Variants in SCARB2 observed in about 807,000 individuals in gnomAD.
SCARB2 encodes the protein scavenger receptor class B member 2.
A neutral mutation model predicts 58.6 loss-of-function variants in SCARB2; 29 were observed. The ratio of observed to expected loss-of-function variants is 0.49; its 90% confidence interval spans 0.37 to 0.67. The LOEUF (loss-of-function observed/expected upper bound fraction) is 0.67. SCARB2 is among the 30% of genes least tolerant of loss of function. The pLI is 0.00. For missense variants in SCARB2, 488 were observed against 578.5 expected, an observed-to-expected ratio of 0.84 and a Z score of 1.60; for synonymous variants, 195 against 210.1, an observed-to-expected ratio of 0.93 and a Z score of 0.62.
intron 4 of SCARB2, chr4:76,179,220 A>AT (rs1376145089): frequency 5.3e-5 from 20 of 378,268 alleles, no homozygotes; most frequent in Non-Finnish European, 1.0e-4. Flanking sequence ...CAGCTGGCTA[A>AT]TTTTTGTATT....
At chr4:76,217,010 A>C (rs755311279), upstream of SCARB2, among the ~76,000 whole-genome samples, 1 of 152,160 alleles carries the variant, frequency 6.6e-6, no homozygotes, top group Non-Finnish European at 1.5e-5. Context: ...CTATGTTCAG[A>C]AGCTTTTGAC....
Position 76,166,198 on chromosome 4 carries a change from G to A in SCARB2, c.1239+52C>T, listed in dbSNP as rs1223355042. The A allele has an allele frequency of 1.3e-5, 20 of 1,557,220 alleles. No individual in the cohort carries two copies. The Middle Eastern group carries it at 5.0e-4, about 39-fold the overall frequency. ...AACTACAACAGTAGACATCATAATGGATTTTTTCTGAGTCTGAAAACACCC... is the reference window on the plus strand; with the variant it reads ...AACTACAACAGTAGACATCATAATGAATTTTTTCTGAGTCTGAAAACACCC... On this transcript the variant is annotated intron_variant, in intron 10 of 11. Coordinates refer to ENST00000264896, the MANE Select transcript of SCARB2 (RefSeq NM_005506.4).
At chr4:76,172,598 G>A (rs1172469808) in intron 7 of SCARB2, 2 of 151,996 alleles carry the variant, frequency 1.3e-5, no homozygotes, top group African/African-American at 4.8e-5. Context: ...GTAAAGCCAG[G>A]TGTGGGGGTC....
chr4:76,168,646 T>C (rs1366385170), intron 8 of SCARB2, among the ~76,000 whole-genome samples, 170 bp from the exon 9 acceptor site: 1 of 152,180 alleles, frequency 6.6e-6, no homozygotes, highest in Non-Finnish European at 1.5e-5. Context: ...ATGAGAACCA[T>C]GGGTTGTATT....
intron 3 of SCARB2, 178 bp downstream of exon 3, chr4:76,180,776 C>T (rs1732365800): frequency 4.6e-6 from 2 of 432,764 alleles, no homozygotes; most frequent in Non-Finnish European, 8.0e-6. Flanking sequence ...TTATTTGATA[C>T]ATCTTAGAAA....
intron 1 of SCARB2, among the ~76,000 whole-genome samples, chr4:76,206,988 A>G (rs1244140212): frequency 6.6e-6 from 1 of 152,208 alleles, no homozygotes; most frequent in Non-Finnish European, 1.5e-5. Context: ...CTGGCCTTAC[A>G]GGAATATAAA....
chr4:76,187,215 C>T (rs983694352), intron 2 of SCARB2, among the ~76,000 whole-genome samples: 3 of 152,204 alleles, frequency 2.0e-5, no homozygotes, highest in Admixed American at 1.3e-4. Context: ...TTTTAAAGCT[C>T]AGACCTGATA....
At chr4:76,175,341 C>G (rs1288488272) in intron 6 of SCARB2, 1 of 196,734 alleles carries the variant, frequency 5.1e-6, no homozygotes, top group Non-Finnish European at 1.0e-5. Context: ...TAGAGACTAC[C>G]TATTGACTGG....
upstream of SCARB2, chr4:76,214,089 C>T (rs559518593): frequency 1.3e-4 from 45 of 356,686 alleles, no homozygotes; most frequent in African/African-American, 8.8e-4. Flanking sequence ...ATTGCCGAAC[C>T]TGGTTCACAC....
intron 1 of SCARB2, among the ~76,000 whole-genome samples, chr4:76,220,875 C>T (rs1000121654): frequency 2.0e-5 from 3 of 152,178 alleles, no homozygotes; most frequent in Non-Finnish European, 4.4e-5. Flanking sequence ...TCCAGGTGCT[C>T]ACCTGGGATC....
intron 1 of SCARB2, among the ~76,000 whole-genome samples, chr4:76,232,409 A>G (rs1185875885): frequency 6.6e-6 from 1 of 152,208 alleles, no homozygotes; most frequent in Non-Finnish European, 1.5e-5. Context: ...GCTTATTCTA[A>G]ATCATCTCTT....
intron 2 of SCARB2, among the ~76,000 whole-genome samples, chr4:76,187,641 T>C (rs4859631): frequency 5.3e-5 from 8 of 152,110 alleles, no homozygotes; most frequent in Non-Finnish European, 1.2e-4. Context: ...CATATGTACA[T>C]AGTATGATAA....
upstream of SCARB2, chr4:76,217,468 G>A (rs1425361044): frequency 7.4e-6 from 3 of 406,970 alleles, no homozygotes; most frequent in African/African-American, 6.1e-5. Flanking sequence ...AGGCATGAGT[G>A]AGTTGTCAGA....
intron 1 of SCARB2, among the ~76,000 whole-genome samples, chr4:76,221,810 C>T (rs1733313686): frequency 6.6e-6 from 1 of 152,206 alleles, no homozygotes; most frequent in South Asian, 2.1e-4. Flanking sequence ...GGGTATCATG[C>T]TCACTACCTG....
chr4:76,202,499 G>C (rs1732849361), intron 1 of SCARB2, among the ~76,000 whole-genome samples: 1 of 152,156 alleles, frequency 6.6e-6, no homozygotes, highest in African/African-American at 2.4e-5. Flanking sequence ...GATCTCAGGT[G>C]ATCTGCCCAC....
chr4:76,213,698 C>G lies in SCARB2; in HGVS notation c.-155G>C. On this transcript the variant is annotated 5_prime_UTR_variant, in exon 1 of 12. Transcript: ENST00000264896. Reference sequence around the variant, plus strand: ...CGGTTCGTGCGCGCAGCTCTGGGCTCCGCGGCCTGGCGAGCGCGGCCCCGG... The same window carrying G: ...CGGTTCGTGCGCGCAGCTCTGGGCTGCGCGGCCTGGCGAGCGCGGCCCCGG... 1.8e-6 allele frequency: 1 copy of G among 570,456 alleles called. No individual in the cohort carries two copies. The highest frequency in any genetic ancestry group is 2.2e-5 in the South Asian group (1 of 44,756). 35.3% of individuals were successfully genotyped at this position (570,456 alleles called of 1,614,324 possible).
At chr4:76,212,781 G>A (rs1245457156) in intron 1 of SCARB2, among the ~76,000 whole-genome samples, 1 of 152,206 alleles carries the variant, frequency 6.6e-6, no homozygotes, top group African/African-American at 2.4e-5. Flanking sequence ...GTATCTAAAT[G>A]CATCTGTGCC....
chr4:76,189,880 C>T (rs61347786), intron 2 of SCARB2, among the ~76,000 whole-genome samples: 3,275 of 152,168 alleles, frequency 0.022, 127 homozygotes, highest in African/African-American at 0.075. Context: ...AAATTACCCC[C>T]CTGGGTCCCT....
chr4:76,179,286 T>C (rs1279363505), intron 4 of SCARB2: 7 of 518,126 alleles, frequency 1.4e-5, no homozygotes, highest in Non-Finnish European at 2.4e-5. Flanking sequence ...AGTCTTAACC[T>C]CAAATGATCC....
Sources: gnomAD v4.1 joint callset for allele counts (sites outside exome capture counted in the v4.1 genomes callset) on GRCh38, gnomAD v4.1.1 for gene constraint, MANE v1.5 for transcripts, NCBI Gene and HGNC (gene_info 2026-07-23, HGNC 2026-07-21) for gene names.